CSMD1: variants seen among roughly 807,000 people sequenced by gnomAD.
CSMD1 encodes the protein CUB and sushi domain-containing protein 1.
CSMD1 carries 213 observed loss-of-function variants against 417.5 expected under a neutral mutation model. The observed-to-expected ratio is 0.51, with a 90% confidence interval of 0.46 to 0.57. The LOEUF is 0.57. CSMD1 is among the 20% of genes least tolerant of loss of function. The pLI, the probability that CSMD1 is intolerant of heterozygous loss-of-function variation, is 0.00. For synonymous variants in CSMD1, 2,862 were observed against 1,736.8 expected, an observed-to-expected ratio of 1.65 and a Z score of -16.11; for missense variants, 6,923 against 4,529.7, an observed-to-expected ratio of 1.53 and a Z score of -15.17.
At chr8:3,760,481 T>A (rs1279201736) in intron 5 of CSMD1, among the ~76,000 whole-genome samples, 1 of 152,168 alleles carries the variant, frequency 6.6e-6, no homozygotes, top group African/African-American at 2.4e-5. Flanking sequence ...CATTTTAGGA[T>A]TCTATTTATA....
chr8:4,331,059 A>G (rs11136731), intron 3 of CSMD1, among the ~76,000 whole-genome samples: 76,809 of 151,954 alleles, frequency 0.51, 22,941 homozygotes, highest in East Asian at 0.72. Context: ...CTATTTCTTC[A>G]TAATTTTTGT....
intron 12 of CSMD1, among the ~76,000 whole-genome samples, chr8:3,452,453 T>C (rs999287454): frequency 1.3e-5 from 2 of 152,204 alleles, no homozygotes; most frequent in African/African-American, 2.4e-5. Context: ...GGCTGTGGGT[T>C]TGTCATAGAT....
chr8:4,676,303 T>C (rs560939358), intron 1 of CSMD1, among the ~76,000 whole-genome samples: 1 of 152,218 alleles, frequency 6.6e-6, no homozygotes, highest in Admixed American at 6.5e-5. Flanking sequence ...ATGTTTCTCA[T>C]TCCCTGCCAA....
intron 1 of CSMD1, among the ~76,000 whole-genome samples, chr8:4,691,841 G>T (rs965015094): frequency 1.3e-5 from 2 of 152,154 alleles, no homozygotes; most frequent in African/African-American, 2.4e-5. Flanking sequence ...GGTTTTAATG[G>T]GCCAGTGTTT....
At chr8:3,410,609 C>T (rs1470570097) in intron 12 of CSMD1, among the ~76,000 whole-genome samples, 1 of 152,198 alleles carries the variant, frequency 6.6e-6, no homozygotes. Context: ...TGTGAGGCCT[C>T]TCCAGCCATG....
intron 7 of CSMD1, among the ~76,000 whole-genome samples, chr8:3,623,403 G>T (rs1315179731): frequency 1.3e-5 from 2 of 152,124 alleles, no homozygotes; most frequent in African/African-American, 4.8e-5. Context: ...CATGAATAAA[G>T]CAAGTGTCTG....
chr8:3,186,142 G>C (rs1049529338), intron 36 of CSMD1, among the ~76,000 whole-genome samples: 1 of 151,852 alleles, frequency 6.6e-6, no homozygotes, highest in Non-Finnish European at 1.5e-5. Flanking sequence ...TTAAGTGTTG[G>C]CATCTGTGTA....
At chr8:4,049,476 C>T (rs1798311856) in intron 3 of CSMD1, among the ~76,000 whole-genome samples, 3 of 151,634 alleles carry the variant, frequency 2.0e-5, no homozygotes. Flanking sequence ...CATTCAAATA[C>T]CATGCATATT....
intron 4 of CSMD1, among the ~76,000 whole-genome samples, chr8:4,005,810 C>A (rs939493165): frequency 6.6e-6 from 1 of 152,170 alleles, no homozygotes; most frequent in African/African-American, 2.4e-5. Flanking sequence ...TTGCACTTGG[C>A]ATTAACAGAC....
At chr8:3,124,777 C>G (rs1223962652) in intron 41 of CSMD1, among the ~76,000 whole-genome samples, 1 of 152,138 alleles carries the variant, frequency 6.6e-6, no homozygotes, top group Non-Finnish European at 1.5e-5. Flanking sequence ...AACCCAGGAC[C>G]CATTTTTTCA....
At chr8:4,650,503 T>G (rs1333986233) in intron 1 of CSMD1, among the ~76,000 whole-genome samples, 1 of 152,236 alleles carries the variant, frequency 6.6e-6, no homozygotes, top group Non-Finnish European at 1.5e-5. Flanking sequence ...ATCAAAGCCC[T>G]GGCTTCTGCC....
chr8:3,670,500 C>T (rs893785259), intron 7 of CSMD1, among the ~76,000 whole-genome samples: 5 of 131,340 alleles, frequency 3.8e-5, no homozygotes, highest in Non-Finnish European at 6.6e-5. Context: ...TATATATATC[C>T]CATATATATA....
chr8:4,596,716 G>C (rs1800298792), intron 2 of CSMD1, among the ~76,000 whole-genome samples: 2 of 152,240 alleles, frequency 1.3e-5, no homozygotes, highest in South Asian at 4.1e-4. Flanking sequence ...AGTTCATTTT[G>C]AAAGGAACAA....
chr8:4,708,823 G>C (rs1354060697), intron 1 of CSMD1, among the ~76,000 whole-genome samples: 1 of 152,174 alleles, frequency 6.6e-6, no homozygotes, highest in Non-Finnish European at 1.5e-5. Flanking sequence ...GAGGTCATTA[G>C]GGTGGTCCCT....
intron 26 of CSMD1, among the ~76,000 whole-genome samples, chr8:3,247,589 C>A (rs1001288574): frequency 6.6e-6 from 1 of 152,188 alleles, no homozygotes; most frequent in Non-Finnish European, 1.5e-5. Flanking sequence ...AGGACATTCT[C>A]CCTTCCCTGT....
chr8:4,849,763 G>A (rs1398302359), intron 1 of CSMD1, among the ~76,000 whole-genome samples: 1 of 152,038 alleles, frequency 6.6e-6, no homozygotes, highest in Admixed American at 6.6e-5. Context: ...AAACCATCTT[G>A]GTTTTAGTAA....
intron 23 of CSMD1, among the ~76,000 whole-genome samples, chr8:3,315,726 A>G (rs1805707635): frequency 1.3e-5 from 2 of 152,180 alleles, no homozygotes; most frequent in South Asian, 2.1e-4. Context: ...GTAAAACATC[A>G]AAAAGCCTGT....
chr8:4,953,847 T>A (rs1480465267), intron 1 of CSMD1, among the ~76,000 whole-genome samples: 1 of 152,136 alleles, frequency 6.6e-6, no homozygotes, highest in Non-Finnish European at 1.5e-5. Context: ...GGGATCCCTG[T>A]TCAAATGCAG....
intron 5 of CSMD1, among the ~76,000 whole-genome samples, chr8:3,815,830 G>C (rs1336187817): frequency 1.3e-5 from 2 of 152,182 alleles, no homozygotes; most frequent in Admixed American, 6.5e-5. Flanking sequence ...TCTAGCCTTT[G>C]AATCCCAGCA....
Sources: allele counts gnomAD v4.1 joint callset (sites outside exome capture counted in the v4.1 genomes callset), GRCh38; gene constraint gnomAD v4.1.1; transcripts MANE v1.5; gene names NCBI Gene and HGNC (gene_info 2026-07-23, HGNC 2026-07-21).